Variants in ATP2B2 observed in about 807,000 individuals in gnomAD.
ATP2B2 encodes the protein ATPase plasma membrane Ca2+ transporting 2, also known as plasma membrane calcium-transporting ATPase 2.
ATP2B2 carries 15 observed loss-of-function variants against 120.0 expected under a neutral mutation model. The observed-to-expected ratio is 0.12, with a 90% CI of 0.08 to 0.19. The LOEUF (loss-of-function observed/expected upper bound fraction) is 0.19, where lower values mean the gene tolerates loss of function less well. ATP2B2 is among the 10% of genes least tolerant of loss of function. The probability of loss-of-function intolerance (pLI) is 1.00; values close to 1 mark genes in which losing one functional copy is unlikely to be tolerated. For missense variants in ATP2B2, 1,045 were observed against 1,719.8 expected, an observed-to-expected ratio of 0.61 and a Z score of 6.94; for synonymous variants, 694 against 700.3, an observed-to-expected ratio of 0.99 and a Z score of 0.14.
At chr3:10,612,227 C>T (rs536176993) in intron 2 of ATP2B2, among the ~76,000 whole-genome samples, 12 of 152,288 alleles carry the variant, frequency 7.9e-5, no homozygotes, top group Non-Finnish European at 1.6e-4. Flanking sequence ...CTGGGCTCTT[C>T]ACTCCCTATC....
chr3:10,409,542 G>A (rs1338752773), intron 3 of ATP2B2, among the ~76,000 whole-genome samples: 1 of 152,092 alleles, frequency 6.6e-6, no homozygotes, highest in African/African-American at 2.4e-5. Context: ...TTTTCTGGCT[G>A]GCTTTCTGTT....
intron 1 of ATP2B2, among the ~76,000 whole-genome samples, chr3:10,489,548 T>C (rs1191890160): frequency 2.6e-5 from 4 of 152,184 alleles, no homozygotes; most frequent in African/African-American, 9.7e-5. Flanking sequence ...AGGATGGGAT[T>C]CATGGTTTTT....
intron 2 of ATP2B2, among the ~76,000 whole-genome samples, chr3:10,549,412 A>C (rs2067619764): frequency 1.3e-5 from 2 of 151,826 alleles, no homozygotes; most frequent in Non-Finnish European, 2.9e-5. Context: ...GTTGAGAAAA[A>C]GAAAGAAAAT....
At position 10,401,053 on chromosome 3, in the gene ATP2B2, G is replaced by A. The variant is rs2062202714; in HGVS notation, c.681C>T (p.Leu227=). ...TCTTGAGGTCATTGCCCTGGATGAA[G>A]AGGCCGTCGGCAGGGAGGAGGTCAC... ...KYGDLLPADG[L]FIQGNDLKID... is the part of the protein sequence containing the mutation. Residue 227 remains leucine, a synonymous_variant, in exon 5 of 23, where the codon CTC becomes CTT. Coordinates refer to ENST00000360273, the MANE Select transcript of ATP2B2 (RefSeq NM_001001331.4). The A allele has an allele frequency of 6.2e-7, 1 of 1,614,000 alleles. No individual in the cohort carries two copies.
intron 1 of ATP2B2, among the ~76,000 whole-genome samples, chr3:10,652,104 G>T (rs1257731741): frequency 6.6e-6 from 1 of 152,122 alleles, no homozygotes; most frequent in Non-Finnish European, 1.5e-5. Flanking sequence ...TCCAGATAAT[G>T]GGGCTATTTT....
intron 2 of ATP2B2, among the ~76,000 whole-genome samples, chr3:10,557,067 C>G (rs1347245441): frequency 2.0e-5 from 3 of 152,212 alleles, no homozygotes; most frequent in African/African-American, 7.2e-5. Context: ...ATGAGTCACT[C>G]TGAGTCCCGA....
At chr3:10,460,766 A>G (rs987042505) in intron 1 of ATP2B2, among the ~76,000 whole-genome samples, 2 of 152,222 alleles carry the variant, frequency 1.3e-5, no homozygotes, top group African/African-American at 4.8e-5. Context: ...CTGATGCCAG[A>G]AATTCCACCA....
At chr3:10,499,126 A>C (rs7644121) in intron 1 of ATP2B2, among the ~76,000 whole-genome samples, 1 of 152,068 alleles carries the variant, frequency 6.6e-6, no homozygotes, top group Non-Finnish European at 1.5e-5. Flanking sequence ...CTGATGCCAC[A>C]AAGGAGGCCA....
At chr3:10,490,807 CA>C (rs1244284854) in intron 1 of ATP2B2, among the ~76,000 whole-genome samples, 1 of 152,202 alleles carries the variant, frequency 6.6e-6, no homozygotes, top group African/African-American at 2.4e-5. Context: ...GGGGTGGAGC[CA>C]GGGGGACTGG....
rs1190507942 is a variant in ATP2B2 at position 10,328,261 on chromosome 3, T to C, written c.*553A>G. The C allele has an allele frequency of 6.5e-6, 1 of 154,314 alleles. No individual in the cohort carries two copies. The highest frequency in any genetic ancestry group is 1.4e-5 in the Non-Finnish European group (1 of 69,274). The allele number at this position is 154,314 out of a possible 1,614,324, so 9.6% of individuals were successfully genotyped here. A position where few individuals can be genotyped will look rare whatever the true frequency, so the allele number is the denominator to read the frequency against. On this transcript the variant is annotated 3_prime_UTR_variant, in exon 23 of 23. Coordinates refer to ENST00000360273, the MANE Select transcript of ATP2B2 (RefSeq NM_001001331.4). ...TTCGGTTCCATTGGTGCAAATCTAC[T>C]AGGCGAGTTAAGCTCTGCAATTTCA... is the stretch of plus-strand genomic sequence containing the variant.
intron 2 of ATP2B2, among the ~76,000 whole-genome samples, chr3:10,585,507 A>AAAAAAAAAC (rs2068489378): frequency 6.7e-6 from 1 of 149,584 alleles, no homozygotes; most frequent in Non-Finnish European, 1.5e-5. Context: ...AAAAAAAAAA[A>AAAAAAAAAC]AAAAAAAAAA....
chr3:10,471,364 C>CTGAGTGTGTGTGTGTGTGTGTGTGTG (rs1221371075), intron 1 of ATP2B2, among the ~76,000 whole-genome samples: 4 of 150,358 alleles, frequency 2.7e-5, no homozygotes, highest in Non-Finnish European at 4.4e-5. Flanking sequence ...TTCAGGAAAC[C>CTGAGTGTGTGTGTGTGTGTGTGTGTG]TGTGTGTGTG....
intron 1 of ATP2B2, among the ~76,000 whole-genome samples, chr3:10,473,895 G>A (rs926511576): frequency 1.7e-4 from 26 of 152,234 alleles, no homozygotes; most frequent in African/African-American, 4.8e-4. Flanking sequence ...CTTTGAAGCC[G>A]CTGGGAACTT....
chr3:10,615,040 G>A (rs1209188429), intron 2 of ATP2B2, among the ~76,000 whole-genome samples: 2 of 152,166 alleles, frequency 1.3e-5, no homozygotes, highest in Non-Finnish European at 1.5e-5. Context: ...GAGAAGCATT[G>A]GAGACATGGA....
chr3:10,635,804 G>A lies in ATP2B2; in HGVS notation c.-459-15843C>T, dbSNP rs997571908. On this transcript the variant is annotated intron_variant, in intron 1 of 21. Coordinates refer to the ATP2B2 transcript ENST00000646379. This position sits in a 1 kb window ranked among gnomAD's most constrained non-coding sequence, Gnocchi z 4.3. ...GCTGGAGTCAGCAAATGATCCCCTG[G>A]TGGGTATTTCATAAAGCACTCCCTG... Among the ~76,000 whole-genome samples the A allele has an allele frequency of 6.6e-6, 1 of 152,192 alleles. No individual in the cohort carries two copies. Among genetic ancestry groups the A allele is most frequent in the East Asian group, 1.9e-4 (1 of 5,198 alleles).
At chr3:10,359,018 G>T in intron 13 of ATP2B2, 93 bp from the exon 14 acceptor site, 1 of 1,210,892 alleles carries the variant, frequency 8.3e-7, no homozygotes, top group Non-Finnish European at 1.2e-6. Flanking sequence ...TGCCCAGCTA[G>T]CTGTGGCTGG....
At chr3:10,439,055 G>C (rs2125131794) in intron 2 of ATP2B2, among the ~76,000 whole-genome samples, 1 of 152,352 alleles carries the variant, frequency 6.6e-6, no homozygotes, top group Admixed American at 6.5e-5. Context: ...GCTGGGCCAA[G>C]GCCTGGGGCA....
At chr3:10,682,521 A>G (rs963081050) in intron 1 of ATP2B2, among the ~76,000 whole-genome samples, 10 of 152,368 alleles carry the variant, frequency 6.6e-5, no homozygotes, top group African/African-American at 1.9e-4. Context: ...TGATGGTTAA[A>G]TAAGTAAGTA....
intron 1 of ATP2B2, among the ~76,000 whole-genome samples, chr3:10,484,605 T>A (rs964391693): frequency 6.6e-6 from 1 of 152,158 alleles, no homozygotes; most frequent in African/African-American, 2.4e-5. Context: ...GCCAGTGGGC[T>A]GGTCTCTGCA....
Sources: allele counts gnomAD v4.1 joint callset (sites outside exome capture counted in the v4.1 genomes callset), GRCh38; gene constraint gnomAD v4.1.1; non-coding constraint Gnocchi (gnomAD v3.1); transcripts MANE v1.5; gene names NCBI Gene and HGNC (gene_info 2026-07-23, HGNC 2026-07-21).